Variants in ABCC9 observed in about 807,000 individuals in gnomAD.
ABCC9 encodes the protein ATP binding cassette subfamily C member 9.
Under a neutral mutation model 188.3 loss-of-function variants are expected in ABCC9, and 95 were observed. The observed-to-expected ratio is 0.50, with a 90% CI of 0.43 to 0.60. The LOEUF is 0.60. ABCC9 is among the 20% of genes least tolerant of loss of function. The probability of loss-of-function intolerance (pLI) is 0.00; values close to 1 mark genes in which losing one functional copy is unlikely to be tolerated. For synonymous variants in ABCC9, 659 were observed against 652.7 expected (o/e 1.01, Z -0.15); for missense variants, 1,102 against 1,876.3 (o/e 0.59, Z 7.62).
At chr12:21,839,937 T>C (rs768903413) in intron 29 of ABCC9, among the ~76,000 whole-genome samples, 13 of 152,328 alleles carry the variant, frequency 8.5e-5, no homozygotes, top group Admixed American at 2.6e-4. Flanking sequence ...GTGAATAGTC[T>C]GTTATTTTTA....
At chr12:21,812,446 A>T (rs1277405195) in intron 35 of ABCC9, among the ~76,000 whole-genome samples, 1 of 152,190 alleles carries the variant, frequency 6.6e-6, no homozygotes, top group African/African-American at 2.4e-5. Context: ...CTTGGAACCA[A>T]CCCAAATGCC....
intron 30 of ABCC9, among the ~76,000 whole-genome samples, chr12:21,832,421 C>T (rs1480046257): frequency 6.6e-6 from 1 of 152,068 alleles, no homozygotes; most frequent in African/African-American, 2.4e-5. Context: ...ACCACAAGTA[C>T]CAAATGTAAG....
chr12:21,880,492 G>A (rs1946568749), intron 16 of ABCC9, among the ~76,000 whole-genome samples: 2 of 152,104 alleles, frequency 1.3e-5, no homozygotes, highest in South Asian at 4.1e-4. Context: ...CAACATATGT[G>A]ACTGTCAAAG....
rs149319186 is a variant in ABCC9, at chr12:21,845,772, T to A, written c.2927A>T (p.Lys976Ile). 1.7e-5 allele frequency: 28 copies of A among 1,613,914 alleles called. No individual in the cohort carries two copies. In the East Asian group the frequency reaches 6.2e-4, roughly 36 times the overall value. The change falls in exon 26 of 40, where the codon AAA becomes ATA. Residue 976 changes from lysine to isoleucine, a missense_variant. Physicochemically the swap from Lys to Ile is moderately radical, Grantham distance 102. Transcript: ENST00000261200. ...NMSTVMRLRT[K>I]MPWKTCWRYL... ...GCGCCAGCAGGTTTTCCATGGCATT[T>A]TAGTCCTGAGCCTCATTACAGTGGA...
chr12:21,892,694 A>G (rs1947222716), intron 14 of ABCC9, among the ~76,000 whole-genome samples: 1 of 152,236 alleles, frequency 6.6e-6, no homozygotes, highest in Non-Finnish European at 1.5e-5. Flanking sequence ...TTACACTATC[A>G]TATTCTGTAA....
At chr12:21,843,388 A>G (rs1269556614) in intron 28 of ABCC9, among the ~76,000 whole-genome samples, 1 of 152,194 alleles carries the variant, frequency 6.6e-6, no homozygotes, top group African/African-American at 2.4e-5. Flanking sequence ...GTCTTTTGCA[A>G]TTAACAGAGT....
At chr12:21,872,812 A>G (rs569766998) in intron 17 of ABCC9, 82 bp from the exon 18 acceptor site, 1 of 1,105,774 alleles carries the variant, frequency 9.0e-7, no homozygotes, top group African/African-American at 1.5e-5. Flanking sequence ...AGAAAAAGCT[A>G]ATGTTTTACA....
intron 7 of ABCC9, among the ~76,000 whole-genome samples, 166 bp downstream of exon 7, chr12:21,915,502 A>G (rs868336128): frequency 0.013 from 12 of 896 alleles, 2 homozygotes; most frequent in African/African-American, 0.023. Flanking sequence ...GTGTGTGTGT[A>G]TATATATATA....
intron 4 of ABCC9, among the ~76,000 whole-genome samples, chr12:21,930,433 A>C (rs1949238079): frequency 1.3e-5 from 2 of 152,212 alleles, no homozygotes; most frequent in Non-Finnish European, 2.9e-5. Flanking sequence ...TCAAAAAAGC[A>C]GACCTCTGAA....
chr12:21,932,623 CAT>C (rs1949334574), intron 4 of ABCC9, among the ~76,000 whole-genome samples: 1 of 151,672 alleles, frequency 6.6e-6, no homozygotes, highest in Admixed American at 6.6e-5. Flanking sequence ...TGAACAGACA[CAT>C]GTATGGAAAA....
At chr12:21,884,415 G>T (rs7314764) in intron 15 of ABCC9, among the ~76,000 whole-genome samples, 53,670 of 151,970 alleles carry the variant, frequency 0.35, 11,049 homozygotes, top group Middle Eastern at 0.47. Flanking sequence ...GACTATGAAG[G>T]CTAAGTAATA....
At chr12:21,875,782 T>A in intron 16 of ABCC9, 56 bp from the exon 17 acceptor site, 1 of 1,399,762 alleles carries the variant, frequency 7.1e-7, no homozygotes, top group African/African-American at 1.4e-5. Context: ...TGAATAATTC[T>A]AATTAAAATA....
chr12:21,827,768 A>C (rs553239400), intron 31 of ABCC9, among the ~76,000 whole-genome samples: 2 of 152,204 alleles, frequency 1.3e-5, no homozygotes, highest in African/African-American at 4.8e-5. Flanking sequence ...TTTATCAGCA[A>C]CCAGTACTTC....
chr12:21,828,686 A>G (rs1943534911), intron 31 of ABCC9: 2 of 434,116 alleles, frequency 4.6e-6, no homozygotes, highest in African/African-American at 2.0e-5. Flanking sequence ...TTGAAGTTAT[A>G]CAAATATTTG....
intron 5 of ABCC9, among the ~76,000 whole-genome samples, chr12:21,921,880 T>C (rs1187056163): frequency 2.6e-5 from 4 of 152,028 alleles, no homozygotes; most frequent in Non-Finnish European, 5.9e-5. Flanking sequence ...AACTTCACTA[T>C]AGATGTATGG....
chr12:21,827,488 A>G (rs1943447370), intron 31 of ABCC9: 1 of 162,774 alleles, frequency 6.1e-6, no homozygotes, highest in Non-Finnish European at 1.3e-5. Context: ...TTTCATCAGT[A>G]ATTATATTAT....
At chr12:21,933,986 A>G (rs1171355530) in intron 3 of ABCC9, 63 bp from the exon 4 acceptor site, 34 of 1,586,418 alleles carry the variant, frequency 2.1e-5, no homozygotes, top group Middle Eastern at 1.7e-4. Flanking sequence ...TGTAATAAAC[A>G]TAATTTAAAT....
At chr12:21,842,240 T>C in intron 29 of ABCC9, 74 bp downstream of exon 29, 1 of 1,528,418 alleles carries the variant, frequency 6.5e-7, no homozygotes, top group South Asian at 1.2e-5. Context: ...GATCTGTTGT[T>C]GGCAGAACCC....
At chr12:21,856,796 A>T (rs1332770535) in intron 22 of ABCC9, among the ~76,000 whole-genome samples, 1 of 152,182 alleles carries the variant, frequency 6.6e-6, no homozygotes, top group Non-Finnish European at 1.5e-5. Flanking sequence ...GTAAAGAAGA[A>T]ATGTAAAAGG....
Sources: allele counts gnomAD v4.1 joint callset (sites outside exome capture counted in the v4.1 genomes callset), GRCh38; gene constraint gnomAD v4.1.1; transcripts MANE v1.5; gene names NCBI Gene and HGNC (gene_info 2026-07-23, HGNC 2026-07-21).